P3H2: variants seen among roughly 807,000 people sequenced by gnomAD.
The protein encoded by P3H2 is prolyl 3-hydroxylase 2.
Under a neutral mutation model 87.0 loss-of-function variants are expected in P3H2, and 80 were observed. That is an observed-to-expected ratio of 0.92 (90% CI 0.77 to 1.11). The LOEUF is 1.11. Among genes scored for constraint, P3H2 ranks in the 50% least tolerant of loss-of-function variants. The pLI is 0.00. For missense variants in P3H2, 1,001 were observed against 923.9 expected, an observed-to-expected ratio of 1.08 and a Z score of -1.08; for synonymous variants, 367 against 359.3, an observed-to-expected ratio of 1.02 and a Z score of -0.24.
At chr3:190,018,470 G>A (rs145286993) in intron 1 of P3H2, among the ~76,000 whole-genome samples, 1 of 152,264 alleles carries the variant, frequency 6.6e-6, no homozygotes, top group East Asian at 1.9e-4. Context: ...AACTTTGGGA[G>A]GCTGAGGAGG....
chr3:189,963,760 A>G (rs1483543815), intron 14 of P3H2, 198 bp downstream of exon 14: 1 of 622,978 alleles, frequency 1.6e-6, no homozygotes, highest in Non-Finnish European at 2.8e-6. Flanking sequence ...TTTGTTAATA[A>G]GCTCAAGACA....
chr3:189,986,447 G>A (rs577273601), intron 6 of P3H2, among the ~76,000 whole-genome samples: 1 of 152,222 alleles, frequency 6.6e-6, no homozygotes, highest in South Asian at 2.1e-4. Flanking sequence ...AAATTAGCTG[G>A]GCATTGTGGC....
intron 5 of P3H2, 110 bp from the exon 6 acceptor site, chr3:189,986,987 A>C: frequency 2.6e-6 from 2 of 757,056 alleles, no homozygotes; most frequent in Non-Finnish European, 4.7e-6. Context: ...ATGAGCTAAC[A>C]AATATTCAGA....
At chr3:190,099,850 C>G (rs943284067) in intron 1 of P3H2, among the ~76,000 whole-genome samples, 5 of 152,112 alleles carry the variant, frequency 3.3e-5, no homozygotes, top group Non-Finnish European at 5.9e-5. Context: ...GGTACAATAC[C>G]TTTATCTAAG....
intron 1 of P3H2, among the ~76,000 whole-genome samples, chr3:190,060,702 T>C (rs541396853): frequency 2.6e-5 from 4 of 152,270 alleles, no homozygotes; most frequent in Non-Finnish European, 4.4e-5. Context: ...CACATCAAAC[T>C]ATAATTTGGT....
chr3:190,036,058 T>C (rs1484252236), intron 1 of P3H2, among the ~76,000 whole-genome samples: 1 of 152,192 alleles, frequency 6.6e-6, no homozygotes, highest in Non-Finnish European at 1.5e-5. Flanking sequence ...TCTGCACCAT[T>C]TGGTTTCCCA....
Position 189,974,544 on chromosome 3 carries a change from C to T in P3H2, c.1452+14G>A. 6.2e-7 allele frequency: 1 copy of T among 1,613,140 alleles called. No individual in the cohort carries two copies. The highest frequency in any genetic ancestry group is 8.5e-7 in the Non-Finnish European group (1 of 1,180,016). ...GCCAGCGCAGTGAGCTCCCCTCCTT[C>T]TCCGGATCCTCACACTGGCCACGCT... is the stretch of plus-strand genomic sequence containing the variant. On this transcript the variant is annotated intron_variant, in intron 9 of 14. Transcript: ENST00000319332.
At chr3:190,102,571 C>T (rs1711668661) in intron 1 of P3H2, among the ~76,000 whole-genome samples, 1 of 152,194 alleles carries the variant, frequency 6.6e-6, no homozygotes, top group South Asian at 2.1e-4. Context: ...TAATAAAACT[C>T]GAACAGATAA....
At chr3:190,032,846 A>G (rs1666479) in intron 1 of P3H2, among the ~76,000 whole-genome samples, 121,795 of 151,454 alleles carry the variant, frequency 0.8, 49,013 homozygotes, top group East Asian at 0.86. Flanking sequence ...GATTGTGAGG[A>G]GGTAGGGTAG....
chr3:190,014,896 G>T (rs190247284), intron 1 of P3H2, among the ~76,000 whole-genome samples: 12 of 152,282 alleles, frequency 7.9e-5, no homozygotes, highest in African/African-American at 2.9e-4. Flanking sequence ...CAGAAGAGAG[G>T]AATTCTAGTT....
intron 1 of P3H2, among the ~76,000 whole-genome samples, chr3:190,064,397 T>C (rs1043951764): frequency 3.3e-5 from 5 of 152,040 alleles, no homozygotes; most frequent in Non-Finnish European, 4.4e-5. Context: ...AGTCAACAAA[T>C]AGGGCTGTGC....
At chr3:190,062,670 A>T (rs6763934) in intron 1 of P3H2, among the ~76,000 whole-genome samples, 26,713 of 152,038 alleles carry the variant, frequency 0.18, 3,619 homozygotes, top group African/African-American at 0.38. Flanking sequence ...ATCCCAGCTT[A>T]CCTTCTAACT....
rs1722684951 is a variant in P3H2, at chr3:189,957,833, T to A, written c.*79A>T. On this transcript the variant is annotated 3_prime_UTR_variant, in exon 15 of 15. Transcript: ENST00000319332. The stretch of plus-strand genomic sequence containing the variant: ...GACATTAACCTGTTAATTTATACCA[T>A]GGCTCTGTACAAAAATAAAAAGGTT... The A allele has an allele frequency of 1.1e-6, 1 of 947,018 alleles. No individual in the cohort carries two copies. Among genetic ancestry groups the A allele is most frequent in the African/African-American group, 1.6e-5 (1 of 61,358 alleles). The allele number at this position is 947,018 out of a possible 1,614,324, so 58.7% of individuals were successfully genotyped here.
intron 3 of P3H2, 114 bp downstream of exon 3, chr3:189,993,978 TGA>T (rs1723959696): frequency 1.2e-6 from 1 of 826,264 alleles, no homozygotes. Context: ...GATAGACACA[TGA>T]GAGTCTTTTA....
At chr3:190,095,752 C>T (rs1727560839) in intron 1 of P3H2, among the ~76,000 whole-genome samples, 1 of 151,966 alleles carries the variant, frequency 6.6e-6, no homozygotes, top group African/African-American at 2.4e-5. Context: ...AGGCGCCCGC[C>T]ACCACGCCTG....
At position 190,073,454 on chromosome 3, in the gene P3H2, C is replaced by T. The variant is rs186402482; in HGVS notation, c.480+46798G>A. 2.3e-3 allele frequency among the ~76,000 whole-genome samples: 353 copies of T among 152,222 alleles called. 1 individual carries two copies. The highest frequency in any genetic ancestry group is 0.011 in the South Asian group (52 of 4,814). On this transcript the variant is annotated intron_variant, in intron 1 of 14. Transcript: ENST00000319332. The stretch of plus-strand genomic sequence containing the variant: ...AATCTGCTTGTTTTCAGCTTCCGGG[C>T]GATTCTGAGCTAATCAGTTACAGGC...
At chr3:190,089,562 G>A (rs916355817) in intron 1 of P3H2, among the ~76,000 whole-genome samples, 1 of 152,154 alleles carries the variant, frequency 6.6e-6, no homozygotes, top group Non-Finnish European at 1.5e-5. Flanking sequence ...CTGGACGGAT[G>A]TTCTGTCCTG....
intron 1 of P3H2, among the ~76,000 whole-genome samples, chr3:190,098,418 A>G (rs1711505320): frequency 6.6e-6 from 1 of 152,228 alleles, no homozygotes; most frequent in Non-Finnish European, 1.5e-5. Flanking sequence ...AAGTGACAAC[A>G]GTCATAATTT....
intron 1 of P3H2, among the ~76,000 whole-genome samples, chr3:190,100,261 C>CCA (rs1491211454): frequency 3.8e-5 from 5 of 130,994 alleles, no homozygotes; most frequent in African/African-American, 9.5e-5. Flanking sequence ...CCCCCCCCCC[C>CCA]AAAAAAAACA....
Sources: gnomAD v4.1 joint callset for allele counts (sites outside exome capture counted in the v4.1 genomes callset) on GRCh38, gnomAD v4.1.1 for gene constraint, MANE v1.5 for transcripts, NCBI Gene and HGNC (gene_info 2026-07-23, HGNC 2026-07-21) for gene names.